LARGE1: variants seen among roughly 807,000 people sequenced by gnomAD.
LARGE1 encodes xylosyl- and glucuronyltransferase LARGE1.
A neutral mutation model predicts 87.6 loss-of-function variants in LARGE1; 43 were observed. The ratio of observed to expected loss-of-function variants is 0.49; its 90% CI spans 0.38 to 0.63. The LOEUF is 0.63. Among genes scored for constraint, LARGE1 ranks in the 30% least tolerant of loss-of-function variants. The pLI is 0.00. For synonymous variants in LARGE1, 434 were observed against 394.6 expected, an observed-to-expected ratio of 1.10 and a Z score of -1.18; for missense variants, 802 against 1,000.2, an observed-to-expected ratio of 0.80 and a Z score of 2.67.
chr22:33,113,150 C>T, the LARGE1 span, among the ~76,000 whole-genome samples: 106 of 151,432 alleles, frequency 7.0e-4, 1 homozygote, highest in African/African-American at 1.8e-3. Context: ...TAAGCACCAA[C>T]TATATGGCAG....
chr22:33,827,857 A>C (rs529201403), intron 1 of LARGE1, among the ~76,000 whole-genome samples: 1 of 152,266 alleles, frequency 6.6e-6, no homozygotes, highest in Non-Finnish European at 1.5e-5. Flanking sequence ...AGAGTTTCGG[A>C]TTATAGAGAT....
intron 6 of LARGE1, among the ~76,000 whole-genome samples, chr22:33,559,784 A>T (rs1001524783): frequency 1.3e-5 from 2 of 152,110 alleles, no homozygotes; most frequent in African/African-American, 4.8e-5. Flanking sequence ...CTACTTAAAG[A>T]TGATGTTCTC....
chr22:33,864,771 G>A (rs752177070), intron 1 of LARGE1, among the ~76,000 whole-genome samples: 4 of 152,154 alleles, frequency 2.6e-5, no homozygotes, highest in Non-Finnish European at 4.4e-5. Flanking sequence ...CCAGAGGCCC[G>A]TGGCCACATT....
chr22:33,849,592 CTTTTT>C (rs71187287), intron 1 of LARGE1, among the ~76,000 whole-genome samples: 1,145 of 88,596 alleles, frequency 0.013, 8 homozygotes, highest in African/African-American at 0.048. Flanking sequence ...CTTTTCTTCT[CTTTTT>C]TTTTTTTTTT....
At chr22:33,463,475 C>A (rs926936515) in intron 6 of LARGE1, among the ~76,000 whole-genome samples, 15 of 151,978 alleles carry the variant, frequency 9.9e-5, no homozygotes, top group African/African-American at 3.4e-4. Context: ...AAAATAATAA[C>A]AAATCAGGTT....
At chr22:33,890,932 G>A (rs144485436) in intron 1 of LARGE1, among the ~76,000 whole-genome samples, 117 of 152,150 alleles carry the variant, frequency 7.7e-4, no homozygotes, top group African/African-American at 2.5e-3. Flanking sequence ...CTGCCCTAGC[G>A]CCAAGGCATG....
At chr22:33,520,775 G>A (rs1242173562) in intron 6 of LARGE1, among the ~76,000 whole-genome samples, 4 of 152,240 alleles carry the variant, frequency 2.6e-5, no homozygotes, top group African/African-American at 9.6e-5. Flanking sequence ...GGACTTCTGT[G>A]TGGGCCTCTC....
chr22:33,124,349 A>AAGGAAGGAAGGAAGG, the LARGE1 span, among the ~76,000 whole-genome samples: 3 of 37,348 alleles, frequency 8.0e-5, no homozygotes, highest in African/African-American at 4.6e-4. Context: ...AGAGACAAAG[A>AAGGAAGGAAGGAAGG]AAGGAAAGAA....
At chr22:33,841,937 G>T (rs929066166) in intron 1 of LARGE1, among the ~76,000 whole-genome samples, 1 of 152,096 alleles carries the variant, frequency 6.6e-6, no homozygotes, top group Non-Finnish European at 1.5e-5. Flanking sequence ...TAAAGCACAC[G>T]GGTGAATCAC....
chr22:33,768,873 A>G (rs1473934175), intron 1 of LARGE1, among the ~76,000 whole-genome samples: 1 of 152,202 alleles, frequency 6.6e-6, no homozygotes, highest in Non-Finnish European at 1.5e-5. Context: ...GCCTCACCCT[A>G]GCCCCACTGA....
intron 2 of LARGE1, among the ~76,000 whole-genome samples, chr22:33,760,788 C>G (rs996222292): frequency 6.6e-6 from 1 of 152,080 alleles, no homozygotes; most frequent in East Asian, 1.9e-4. Flanking sequence ...AGTGTGGTGG[C>G]GGGCACCTGT....
At chr22:33,415,058 G>A (rs1413902696) in intron 7 of LARGE1, among the ~76,000 whole-genome samples, 2 of 152,204 alleles carry the variant, frequency 1.3e-5, no homozygotes, top group African/African-American at 4.8e-5. Flanking sequence ...GAGGATCCTG[G>A]GGTGTGGAGA....
intron 8 of LARGE1, among the ~76,000 whole-genome samples, chr22:33,383,522 T>G (rs1345851257): frequency 6.6e-6 from 1 of 152,122 alleles, no homozygotes; most frequent in Non-Finnish European, 1.5e-5. Flanking sequence ...ACTGTACCAC[T>G]GCATTCCAGC....
intron 1 of LARGE1, among the ~76,000 whole-genome samples, chr22:33,840,790 T>C (rs958369657): frequency 1.3e-5 from 2 of 152,074 alleles, no homozygotes; most frequent in African/African-American, 4.8e-5. Flanking sequence ...GACCATCTAA[T>C]TTTTCTAGTT....
chr22:33,296,523 T>C (rs922217949), intron 12 of LARGE1, among the ~76,000 whole-genome samples: 1 of 152,004 alleles, frequency 6.6e-6, no homozygotes, highest in Non-Finnish European at 1.5e-5. Flanking sequence ...AGAACACCTA[T>C]GGATAAGCCT....
chr22:33,172,329 T>C (rs527998680), intron 11 of LARGE1, among the ~76,000 whole-genome samples: 83 of 152,360 alleles, frequency 5.4e-4, no homozygotes, highest in African/African-American at 1.9e-3. Flanking sequence ...GTTAAGACTT[T>C]GAGGGACTGT....
At chr22:33,512,822 T>C (rs193212603) in intron 6 of LARGE1, among the ~76,000 whole-genome samples, 14 of 152,294 alleles carry the variant, frequency 9.2e-5, no homozygotes, top group African/African-American at 3.4e-4. Flanking sequence ...ATAATTAAAA[T>C]AATGGTGATC....
the LARGE1 span, among the ~76,000 whole-genome samples, chr22:33,067,286 A>G: frequency 6.6e-6 from 1 of 152,092 alleles, no homozygotes; most frequent in African/African-American, 2.4e-5. Context: ...AAAAATAGTC[A>G]TTGAAAGAAT....
intron 11 of LARGE1, among the ~76,000 whole-genome samples, chr22:33,244,570 C>T (rs990588631): frequency 2.6e-5 from 4 of 152,140 alleles, no homozygotes; most frequent in Non-Finnish European, 4.4e-5. Flanking sequence ...TGCAGGACAA[C>T]CTAAGCCCCT....
Sources: gnomAD v4.1 joint callset for allele counts (sites outside exome capture counted in the v4.1 genomes callset) on GRCh38, gnomAD v4.1.1 for gene constraint, MANE v1.5 for transcripts, NCBI Gene and HGNC (gene_info 2026-07-23, HGNC 2026-07-21) for gene names.